MCU: variants seen among roughly 807,000 people sequenced by gnomAD.
MCU encodes calcium uniporter protein, mitochondrial.
MCU carries 12 observed loss-of-function variants against 45.2 expected under a neutral mutation model. The ratio of observed to expected loss-of-function variants is 0.27; its 90% CI spans 0.17 to 0.43. MCU has a LOEUF of 0.43. Ranked by LOEUF, MCU falls within the 20% of genes least tolerant of loss-of-function variation. MCU has a pLI of 1.00. For missense variants in MCU, 324 were observed against 436.7 expected, an observed-to-expected ratio of 0.74 and a Z score of 2.30; for synonymous variants, 160 against 165.1, an observed-to-expected ratio of 0.97 and a Z score of 0.24.
chr10:72,710,196 T>C (rs1212168478), intron 1 of MCU, among the ~76,000 whole-genome samples: 1 of 152,186 alleles, frequency 6.6e-6, no homozygotes, highest in Admixed American at 6.5e-5. Context: ...CAGGATGGTC[T>C]TGATCTCCTG....
chr10:72,810,111 A>C (rs1844516850), intron 1 of MCU, among the ~76,000 whole-genome samples: 1 of 152,090 alleles, frequency 6.6e-6, no homozygotes, highest in South Asian at 2.1e-4. Context: ...GAGCTATTGA[A>C]GTTGGAGACA....
chr10:72,860,164 C>A lies in MCU; in HGVS notation c.392-259C>A. 3 of 373,570 alleles carry A rather than the reference C, an allele frequency of 8.0e-6. No individual in the cohort carries two copies. In the South Asian group the frequency reaches 9.7e-5, roughly 12 times the overall value. The allele number at this position is 373,570 out of a possible 1,614,324, so 23.1% of individuals were successfully genotyped here. On this transcript the variant is annotated intron_variant, in intron 3 of 7. Transcript: ENST00000373053. ...CCAGTGACCCTAGATTTCCAATGTA[C>A]ACCTATAGAACTATGACCATTAATT...
chr10:72,867,140 T>G (rs909136298), intron 4 of MCU, among the ~76,000 whole-genome samples: 1 of 151,368 alleles, frequency 6.6e-6, no homozygotes. Flanking sequence ...ATCTGAATTT[T>G]TTCATTGATT....
At chr10:72,707,526 G>A (rs1427996809) in intron 1 of MCU, among the ~76,000 whole-genome samples, 2 of 151,980 alleles carry the variant, frequency 1.3e-5, no homozygotes, top group African/African-American at 4.8e-5. Context: ...GGGAGCCAAG[G>A]ATTGCTGTAC....
At chr10:72,711,012 C>A (rs957305471) in intron 1 of MCU, among the ~76,000 whole-genome samples, 1 of 151,984 alleles carries the variant, frequency 6.6e-6, no homozygotes, top group East Asian at 1.9e-4. Flanking sequence ...ACCCCTGTCT[C>A]TACTAAAAAT....
chr10:72,885,605 T>A, intron 7 of MCU, 140 bp from the exon 8 acceptor site: 1 of 619,540 alleles, frequency 1.6e-6, no homozygotes, highest in South Asian at 2.2e-5. Context: ...GCTTTGTCTT[T>A]CAAGGCACTC....
chr10:72,764,883 C>T (rs1204903743), intron 1 of MCU, among the ~76,000 whole-genome samples: 1 of 152,060 alleles, frequency 6.6e-6, no homozygotes, highest in African/African-American at 2.4e-5. Context: ...TAAATAGATT[C>T]ATTAATGACC....
chr10:72,801,864 G>A (rs889197295), intron 1 of MCU, among the ~76,000 whole-genome samples: 1 of 151,382 alleles, frequency 6.6e-6, no homozygotes, highest in African/African-American at 2.4e-5. Context: ...GTAGAGACGG[G>A]GTTTTGCCAT....
chr10:72,786,266 G>A (rs1844070052), intron 1 of MCU, among the ~76,000 whole-genome samples: 1 of 152,086 alleles, frequency 6.6e-6, no homozygotes, highest in Non-Finnish European at 1.5e-5. Flanking sequence ...AGAGTGAGAA[G>A]TTACTGTTTT....
chr10:72,724,696 A>C (rs1843072690), intron 1 of MCU, among the ~76,000 whole-genome samples: 1 of 152,258 alleles, frequency 6.6e-6, no homozygotes, highest in Non-Finnish European at 1.5e-5. Flanking sequence ...GATGAAGGTT[A>C]GATTAGATTT....
intron 1 of MCU, among the ~76,000 whole-genome samples, chr10:72,804,531 C>CA: frequency 6.6e-6 from 1 of 152,146 alleles, no homozygotes; most frequent in East Asian, 1.9e-4. Flanking sequence ...ATCACTTCTT[C>CA]ATGTGACAAA....
intron 4 of MCU, among the ~76,000 whole-genome samples, chr10:72,867,575 C>T (rs1220693270): frequency 3.9e-5 from 6 of 151,916 alleles, no homozygotes; most frequent in South Asian, 2.1e-4. Context: ...TAGAATGGGC[C>T]GGGTGCGGTG....
At chr10:72,808,016 T>C (rs551363791) in intron 1 of MCU, among the ~76,000 whole-genome samples, 143 of 152,362 alleles carry the variant, frequency 9.4e-4, no homozygotes, top group Non-Finnish European at 1.0e-3. Flanking sequence ...TTGACAAGCT[T>C]ATTTTACTTG....
At chr10:72,724,159 GGT>G (rs1345526960) in intron 1 of MCU, among the ~76,000 whole-genome samples, 9 of 152,124 alleles carry the variant, frequency 5.9e-5, no homozygotes, top group Non-Finnish European at 1.2e-4. Context: ...GCATTGCTAT[GGT>G]GAATAACCTT....
intron 1 of MCU, among the ~76,000 whole-genome samples, chr10:72,767,987 A>G (rs1442988370): frequency 6.6e-6 from 1 of 152,178 alleles, no homozygotes; most frequent in East Asian, 1.9e-4. Flanking sequence ...ACAATATTTG[A>G]GGGAACATAG....
At chr10:72,817,891 T>G (rs1480394220) in intron 1 of MCU, among the ~76,000 whole-genome samples, 3 of 152,240 alleles carry the variant, frequency 2.0e-5, no homozygotes, top group Non-Finnish European at 2.9e-5. Context: ...GCAATTAACA[T>G]TTATTGAGTG....
chr10:72,826,218 A>T (rs1164782829), intron 1 of MCU, among the ~76,000 whole-genome samples: 1 of 152,150 alleles, frequency 6.6e-6, no homozygotes, highest in Non-Finnish European at 1.5e-5. Flanking sequence ...GGTGATGCTG[A>T]TGCCCCAGGT....
chr10:72,748,482 A>G (rs961340584), intron 1 of MCU, among the ~76,000 whole-genome samples: 4 of 152,170 alleles, frequency 2.6e-5, no homozygotes, highest in African/African-American at 4.8e-5. Flanking sequence ...GATAAGTAAT[A>G]ACTTTTTTCC....
chr10:72,770,959 G>A (rs1424777737), intron 1 of MCU, among the ~76,000 whole-genome samples: 1 of 151,946 alleles, frequency 6.6e-6, no homozygotes, highest in Non-Finnish European at 1.5e-5. Context: ...AGCCTGAATA[G>A]CTTTCTTTAC....
Sources: allele counts gnomAD v4.1 joint callset (sites outside exome capture counted in the v4.1 genomes callset), GRCh38; gene constraint gnomAD v4.1.1; transcripts MANE v1.5; gene names NCBI Gene and HGNC (gene_info 2026-07-23, HGNC 2026-07-21).